Variants in PRKCH observed in about 807,000 individuals in gnomAD.
The protein encoded by PRKCH is protein kinase C eta type.
Under a neutral mutation model 82.5 loss-of-function variants are expected in PRKCH, and 28 were observed. That is an observed-to-expected ratio of 0.34 (90% confidence interval 0.25 to 0.47). PRKCH has a LOEUF of 0.47. Among genes scored for constraint, PRKCH ranks in the 20% least tolerant of loss-of-function variants. The pLI, the probability that PRKCH is intolerant of heterozygous loss-of-function variation, is 1.00. For missense variants in PRKCH, 705 were observed against 881.8 expected (o/e 0.80, Z 2.54); for synonymous variants, 322 against 327.4 (o/e 0.98, Z 0.18).
intron 1 of PRKCH, among the ~76,000 whole-genome samples, chr14:61,260,949 G>T (rs1594879241): frequency 6.6e-6 from 1 of 152,142 alleles, no homozygotes; most frequent in South Asian, 2.1e-4. Context: ...AAACCTTGAG[G>T]TGTTAAAGGG....
At chr14:61,330,123 A>AAAAAGCAAAC (rs2045763865) in intron 1 of PRKCH, among the ~76,000 whole-genome samples, 2 of 152,232 alleles carry the variant, frequency 1.3e-5, no homozygotes, top group South Asian at 4.1e-4. Flanking sequence ...AGATTGGGAT[A>AAAAAGCAAAC]AAAAGCAAAC....
At chr14:61,275,280 T>C (rs2045191955) in intron 1 of PRKCH, among the ~76,000 whole-genome samples, 1 of 152,240 alleles carries the variant, frequency 6.6e-6, no homozygotes, top group African/African-American at 2.4e-5. Flanking sequence ...GGAATATATT[T>C]CTACCTCATT....
At chr14:61,537,853 A>C (rs959340425) in intron 12 of PRKCH, 1 of 152,270 alleles carries the variant, frequency 6.6e-6, no homozygotes, top group Non-Finnish European at 1.5e-5. Flanking sequence ...TTTCTCTGTC[A>C]TCCAGCCTCT....
chr14:61,322,151 G>C lies in PRKCH; in HGVS notation c.50G>C (p.Gly17Ala), dbSNP rs1195704186. The part of the protein sequence containing the change: ...KFNGYLRVRI[G>A]EAVGLQPTRW... ...AATGGCTATTTGAGGGTCCGCATCG[G>C]TGAGGCAGTGGGGCTGCAGCCCACC... Residue 17 changes from glycine (G) to alanine (A), a missense_variant, in exon 1 of 14, where the codon GGT (glycine) becomes GCT (alanine). This residue lies in a region of PRKCH where 246 missense variants were observed against 308.0 expected (regional missense o/e 0.80). Transcript: ENST00000332981. The C allele has an allele frequency of 1.9e-6, 3 of 1,607,974 alleles. No individual in the cohort carries two copies. The highest frequency in any genetic ancestry group is 1.7e-6 in the Non-Finnish European group (2 of 1,177,322).
intron 1 of PRKCH, among the ~76,000 whole-genome samples, chr14:61,188,274 G>C (rs1434960228): frequency 6.6e-6 from 1 of 152,230 alleles, no homozygotes; most frequent in African/African-American, 2.4e-5. Flanking sequence ...AGAGGGGAGG[G>C]GAGGCGGCCC....
At chr14:61,529,384 A>T in intron 11 of PRKCH, 171 bp downstream of exon 11, 2 of 667,924 alleles carry the variant, frequency 3.0e-6, no homozygotes, top group South Asian at 8.7e-5. Flanking sequence ...ATGGCTGAAA[A>T]TGGCCTAAGT....
At chr14:61,501,685 T>C (rs1039861797) in intron 10 of PRKCH, among the ~76,000 whole-genome samples, 2 of 152,172 alleles carry the variant, frequency 1.3e-5, no homozygotes, top group African/African-American at 2.4e-5. Context: ...GATGAGAAGA[T>C]GGGTGGAAAC....
intron 7 of PRKCH, 63 bp from the exon 8 acceptor site, chr14:61,457,113 T>G: frequency 6.4e-7 from 1 of 1,564,354 alleles, no homozygotes; most frequent in East Asian, 2.3e-5. Flanking sequence ...AAGGTCTTCT[T>G]CGTGCATGGG....
At chr14:61,462,739 C>A (rs888922476) in intron 9 of PRKCH, among the ~76,000 whole-genome samples, 1 of 152,150 alleles carries the variant, frequency 6.6e-6, no homozygotes, top group Non-Finnish European at 1.5e-5. Flanking sequence ...TGACAGTCTC[C>A]CCTGGAGAAT....
chr14:61,327,815 A>C (rs1459005219), intron 1 of PRKCH, among the ~76,000 whole-genome samples: 5 of 152,256 alleles, frequency 3.3e-5, no homozygotes, highest in Non-Finnish European at 5.9e-5. Flanking sequence ...ATTTTATGTG[A>C]TTGGGGGACA....
intron 1 of PRKCH, among the ~76,000 whole-genome samples, chr14:61,365,869 C>T (rs768390121): frequency 5.9e-5 from 9 of 151,948 alleles, no homozygotes; most frequent in Non-Finnish European, 8.8e-5. Flanking sequence ...TGGGGAGATG[C>T]ATTGTTTAGG....
chr14:61,458,249 G>A (rs1057441557), intron 9 of PRKCH, among the ~76,000 whole-genome samples: 76 of 152,222 alleles, frequency 5.0e-4, no homozygotes, highest in African/African-American at 1.6e-3. Flanking sequence ...AATGCTTCTG[G>A]CTGCAGTTAA....
chr14:61,292,779 A>C (rs1023255764), intron 1 of PRKCH, among the ~76,000 whole-genome samples: 2 of 150,186 alleles, frequency 1.3e-5, no homozygotes, highest in Non-Finnish European at 3.0e-5. Flanking sequence ...TCCAAAAAAA[A>C]AAAAAAAAAA....
intron 1 of PRKCH, among the ~76,000 whole-genome samples, chr14:61,285,941 A>G (rs910386981): frequency 2.0e-5 from 3 of 152,230 alleles, no homozygotes; most frequent in African/African-American, 7.2e-5. Flanking sequence ...TTCCATTTAC[A>G]CAGAGTCCCA....
chr14:61,335,955 T>G (rs892079511), intron 1 of PRKCH, among the ~76,000 whole-genome samples: 6 of 152,218 alleles, frequency 3.9e-5, no homozygotes, highest in African/African-American at 1.4e-4. Context: ...AGCTATTCAT[T>G]CTGCCTCTCA....
At chr14:61,239,119 G>A (rs1396929979) in intron 1 of PRKCH, among the ~76,000 whole-genome samples, 1 of 152,102 alleles carries the variant, frequency 6.6e-6, no homozygotes, top group Non-Finnish European at 1.5e-5. Context: ...GTTCCCTCAG[G>A]AATCACCTCC....
intron 1 of PRKCH, among the ~76,000 whole-genome samples, chr14:61,254,079 G>A (rs2044975630): frequency 1.4e-5 from 2 of 144,878 alleles, no homozygotes; most frequent in African/African-American, 2.6e-5. Flanking sequence ...GAAACTCTAT[G>A]CGAGACATTG....
chr14:61,531,853 T>C (rs1205186277), intron 12 of PRKCH, among the ~76,000 whole-genome samples: 1 of 152,240 alleles, frequency 6.6e-6, no homozygotes, highest in Non-Finnish European at 1.5e-5. Context: ...AAACCATAAA[T>C]ATGGCTTTTA....
intron 1 of PRKCH, among the ~76,000 whole-genome samples, chr14:61,192,018 T>TTGTGTGTGTGTG (rs67540297): frequency 2.0e-5 from 3 of 148,724 alleles, no homozygotes; most frequent in East Asian, 2.0e-4. Context: ...TCCTAAAACA[T>TTGTGTGTGTGTG]TGTGTGTGTG....
Sources: allele counts gnomAD v4.1 joint callset (sites outside exome capture counted in the v4.1 genomes callset), GRCh38; gene constraint gnomAD v4.1.1; regional missense constraint gnomAD v4.1.1; transcripts MANE v1.5; gene names NCBI Gene and HGNC (gene_info 2026-07-23, HGNC 2026-07-21).